The following HELB variants were observed in gnomAD, a reference collection of about 807,000 sequenced individuals.
The protein encoded by HELB is DNA helicase B, also known as DNA 5'-3' helicase B.
Under a neutral mutation model 101.7 loss-of-function variants are expected in HELB, and 96 were observed. That is an observed-to-expected ratio of 0.94 (90% CI 0.80 to 1.12). The LOEUF is 1.12. Among genes scored for constraint, HELB ranks in the 50% most tolerant of loss-of-function variants. HELB has a pLI of 0.00. For missense variants in HELB, 1,210 were observed against 1,291.9 expected (o/e 0.94, Z 0.97); for synonymous variants, 437 against 459.7 (o/e 0.95, Z 0.63).
chr12:66,307,855 C>T (rs1298377700), intron 3 of HELB, among the ~76,000 whole-genome samples: 1 of 151,456 alleles, frequency 6.6e-6, no homozygotes, highest in South Asian at 2.1e-4. Flanking sequence ...CCTCAGCTCC[C>T]GAATAGCTGG....
chr12:66,330,289 AG>A (rs1295796122), intron 11 of HELB, among the ~76,000 whole-genome samples: 2 of 152,178 alleles, frequency 1.3e-5, no homozygotes, highest in Admixed American at 1.3e-4. Context: ...TAAAAGACAA[AG>A]GTTCATTGTT....
Position 66,310,005 on chromosome 12 carries a change from T to C in HELB, c.1077T>C (p.Ala359=), listed in dbSNP as rs371591766. Reference sequence around the variant, plus strand: ...TCTTCCCTTATGACCTTTACCATGCTGAAAGAGCCATCGCCTTTTCAATTT... The same window carrying C: ...TCTTCCCTTATGACCTTTACCATGCCGAAAGAGCCATCGCCTTTTCAATTT... The part of the protein sequence containing the change: ...SCVFPYDLYH[A]ERAIAFSICD... Residue 359 remains alanine, a synonymous_variant, in exon 4 of 13, where the codon GCT becomes GCC. Transcript: ENST00000247815. 2 of 1,614,116 alleles carry C rather than the reference T, an allele frequency of 1.2e-6. No individual in the cohort carries two copies. The highest frequency in any genetic ancestry group is 3.3e-5 in the Admixed American group (2 of 60,000).
At chr12:66,330,005 A>G (rs1368945583) in intron 11 of HELB, among the ~76,000 whole-genome samples, 1 of 152,230 alleles carries the variant, frequency 6.6e-6, no homozygotes, top group East Asian at 1.9e-4. Flanking sequence ...CTGTCTACGA[A>G]GATAGAAGAG....
chr12:66,304,960 T>A lies in HELB; in HGVS notation c.417T>A (p.Asp139Glu), dbSNP rs534225971. 88 of 1,614,024 alleles carry A rather than the reference T, an allele frequency of 5.5e-5. No homozygotes were observed. In the South Asian group the frequency reaches 7.4e-4, roughly 13 times the overall value. The change falls in exon 2 of 13, where the codon GAT becomes GAA. Residue 139 changes from aspartate to glutamate, a missense_variant. Physicochemically the swap from Asp to Glu is conservative, Grantham distance 45. Transcript: ENST00000247815. ...LFLKECEVSS[D>E]DVNKFLTWVK... ...TTAAAGAGTGTGAGGTCTCCAGTGATGATGTTAATAAATTTTTAACATGGG... is the reference window on the plus strand; with the variant it reads ...TTAAAGAGTGTGAGGTCTCCAGTGAAGATGTTAATAAATTTTTAACATGGG...
At position 66,338,130 on chromosome 12, in the gene HELB, A is replaced by C. The variant is rs1245492094; in HGVS notation, c.*28A>C. The C allele has an allele frequency of 2.4e-6, 3 of 1,263,178 alleles. No homozygotes were observed. The highest frequency in any genetic ancestry group is 3.0e-5 in the African/African-American group (2 of 67,260). 78.2% of individuals were successfully genotyped at this position (1,263,178 alleles called of 1,614,324 possible). ...TTATTTCAAATTGTTCCGAGTAACTATGTTTTTCTATTGGAGACAAAATGA... is the reference window on the plus strand; with the variant it reads ...TTATTTCAAATTGTTCCGAGTAACTCTGTTTTTCTATTGGAGACAAAATGA... On this transcript the variant is annotated 3_prime_UTR_variant, in exon 13 of 13. Transcript: ENST00000247815.
chr12:66,318,679 A>G lies in HELB; in HGVS notation c.2042A>G (p.Asn681Ser), dbSNP rs763245894. The G allele has an allele frequency of 6.2e-7, 1 of 1,605,874 alleles. No homozygotes were observed. The highest frequency in any genetic ancestry group is 1.1e-5 in the South Asian group (1 of 88,844). ...RQFPKFDAELNISDNPTLPIS... is the reference protein window; with the variant it reads ...RQFPKFDAELSISDNPTLPIS... ...TTTCCAAAATTTGATGCAGAACTAA[A>G]TATCTCTGATAATCCAACATTACCC... The change falls in exon 7 of 13, where the codon AAT (asparagine) becomes AGT (serine). Residue 681 changes from asparagine to serine, a missense_variant. Physicochemically the swap from Asn to Ser is conservative, Grantham distance 46 (BLOSUM62 1). Coordinates refer to ENST00000247815, the MANE Select transcript of HELB (RefSeq NM_001370285.1).
At chr12:66,313,919 T>C (rs879118641) in intron 4 of HELB, 67 bp from the exon 5 acceptor site, 1 of 1,428,276 alleles carries the variant, frequency 7.0e-7, no homozygotes, top group South Asian at 1.2e-5. Flanking sequence ...CCAAAATAAC[T>C]TGCTATTAAT....
At chr12:66,339,244 T>G (rs2053898807), downstream of HELB, 1 of 152,152 alleles carries the variant, frequency 6.6e-6, no homozygotes, top group Non-Finnish European at 1.5e-5. Flanking sequence ...AGTATATAAT[T>G]CAGTGGCTTT....
chr12:66,336,396 GA>G (rs1034805551), intron 12 of HELB, among the ~76,000 whole-genome samples: 5 of 149,852 alleles, frequency 3.3e-5, no homozygotes, highest in East Asian at 3.9e-4. Context: ...GTGTTAAAAA[GA>G]AAAAAAAAGG....
chr12:66,332,485 C>T (rs1207623313), intron 12 of HELB, among the ~76,000 whole-genome samples: 4 of 152,134 alleles, frequency 2.6e-5, no homozygotes, highest in African/African-American at 4.8e-5. Flanking sequence ...AATCTCACAC[C>T]ATCTCATTCC....
rs374352688 is a variant in HELB, at chr12:66,309,756, A to G, written c.828A>G (p.Ala276=). Residue 276 remains alanine (A), a synonymous_variant, in exon 4 of 13, where the codon GCA becomes GCG. Coordinates refer to ENST00000247815, the MANE Select transcript of HELB (RefSeq NM_001370285.1). Reference sequence around the variant, plus strand: ...TGCGATGTGAGGCAAGTTGGATAGCATTTTGTCAGTGTGAGTCTCTTCTCC... The same window carrying G: ...TGCGATGTGAGGCAAGTTGGATAGCGTTTTGTCAGTGTGAGTCTCTTCTCC... ...KLLRCEASWI[A]FCQCESLLQL... is the part of the protein sequence containing the mutation. The G allele has an allele frequency of 1.1e-5, 17 of 1,613,798 alleles. No homozygotes were observed. The highest frequency in any genetic ancestry group is 1.4e-5 in the Non-Finnish European group (16 of 1,179,876).
Position 66,304,719 on chromosome 12 carries a change from G to GT in HELB, c.188-3dup, listed in dbSNP as rs373595909. 5.0e-4 allele frequency: 773 copies of GT among 1,549,850 alleles called. 1 individual carries two copies. Among genetic ancestry groups the GT allele is most frequent in the Middle Eastern group, 1.4e-3 (8 of 5,764 alleles). On this transcript the variant is annotated splice_polypyrimidine_tract_variant and intron_variant, in intron 1 of 12. Coordinates refer to ENST00000247815, the MANE Select transcript of HELB (RefSeq NM_001370285.1). ...AGTTAACTTTTGTGGGTTTTTGTTT[G>GT]TTTTTTTTTAGTTTCTATTTGTGAT...
At chr12:66,325,789 C>T (rs750729663) in intron 11 of HELB, among the ~76,000 whole-genome samples, 1 of 151,986 alleles carries the variant, frequency 6.6e-6, no homozygotes, top group Non-Finnish European at 1.5e-5. Flanking sequence ...AATGTGCATA[C>T]AGTTTCATTA....
Position 66,325,086 on chromosome 12 carries a change from G to T in HELB, c.2630G>T (p.Arg877Leu), listed in dbSNP as rs368474548. The change falls in exon 11 of 13, where the codon CGC becomes CTC. Residue 877 changes from arginine (R) to leucine (L), a missense_variant. Arg to Leu is a moderately radical substitution (Grantham distance 102). Around this residue, in one of 2 missense-constraint regions of HELB, gnomAD observed 740 missense variants for 728.8 expected, o/e 1.02. Transcript: ENST00000247815. ...VDFKKLMKYC[R>L]IKHAWARTIH... Reference sequence around the variant, plus strand: ...TTTAAGAAACTAATGAAATATTGTCGCATAAAACATGCATGGGCAAGAACT... The same window carrying T: ...TTTAAGAAACTAATGAAATATTGTCTCATAAAACATGCATGGGCAAGAACT... 1.2e-6 allele frequency: 2 copies of T among 1,613,104 alleles called. No individual in the cohort carries two copies. The highest frequency in any genetic ancestry group is 1.7e-5 in the Admixed American group (1 of 59,996).
chr12:66,339,764 A>C (rs2053903180), downstream of HELB: 1 of 152,126 alleles, frequency 6.6e-6, no homozygotes, highest in South Asian at 2.1e-4. Context: ...CCGTCTCAAA[A>C]AAAAGAGAAA....
downstream of HELB, chr12:66,342,822 G>C (rs947829382): frequency 6.6e-6 from 1 of 151,622 alleles, no homozygotes. Context: ...ACCCTCCCGA[G>C]TAGCAGGCAT....
intron 1 of HELB, among the ~76,000 whole-genome samples, chr12:66,304,488 G>A (rs926488531): frequency 6.6e-6 from 1 of 152,176 alleles, no homozygotes; most frequent in African/African-American, 2.4e-5. Context: ...GCTGTGTACT[G>A]TGCTTGCGTT....
At chr12:66,329,121 G>A (rs538790376) in intron 11 of HELB, among the ~76,000 whole-genome samples, 190 of 152,308 alleles carry the variant, frequency 1.2e-3, no homozygotes, top group Non-Finnish European at 2.2e-3. Flanking sequence ...TGACAGTTCT[G>A]ATTTTCAAGG....
intron 2 of HELB, 109 bp from the exon 3 acceptor site, chr12:66,306,236 T>A: frequency 1.3e-6 from 1 of 772,510 alleles, no homozygotes; most frequent in Non-Finnish European, 1.9e-6. Context: ...ACTAATCTGT[T>A]TTTGACTTGG....
Sources: allele counts gnomAD v4.1 joint callset (sites outside exome capture counted in the v4.1 genomes callset), GRCh38; gene constraint gnomAD v4.1.1; regional missense constraint gnomAD v4.1.1; transcripts MANE v1.5; gene names NCBI Gene and HGNC (gene_info 2026-07-23, HGNC 2026-07-21).